TANC1: variants seen among roughly 807,000 people sequenced by gnomAD.
TANC1 encodes the protein tetratricopeptide repeat, ankyrin repeat and coiled-coil containing 1, also known as protein TANC1.
In TANC1, 77 loss-of-function variants were observed where a neutral mutation model predicts 149.7. The ratio of observed to expected loss-of-function variants is 0.51; its 90% CI spans 0.43 to 0.62. The LOEUF (loss-of-function observed/expected upper bound fraction) is 0.62, where lower values mean the gene tolerates loss of function less well. Among genes scored for constraint, TANC1 ranks in the 20% least tolerant of loss-of-function variants. The probability of loss-of-function intolerance (pLI) is 0.00; values close to 1 mark genes in which losing one functional copy is unlikely to be tolerated. For missense variants in TANC1, 1,985 were observed against 2,321.8 expected (o/e 0.85, Z 2.98); for synonymous variants, 854 against 925.0 (o/e 0.92, Z 1.39).
At chr2:159,122,196 C>A (rs745382462) in intron 4 of TANC1, among the ~76,000 whole-genome samples, 1 of 152,182 alleles carries the variant, frequency 6.6e-6, no homozygotes, top group Non-Finnish European at 1.5e-5. Context: ...CCTTGGTCTT[C>A]CAAAATGCTG....
chr2:159,186,799 C>T (rs757561487), intron 15 of TANC1, 103 bp from the exon 16 acceptor site: 8 of 1,487,272 alleles, frequency 5.4e-6, no homozygotes, highest in Non-Finnish European at 7.4e-6. Context: ...TATCTGCACC[C>T]TCTGCGGCAG....
At chr2:159,003,975 A>C (rs2036885533) in intron 2 of TANC1, 1 of 1,612,446 alleles carries the variant, frequency 6.2e-7, no homozygotes, top group African/African-American at 1.3e-5. Flanking sequence ...AGTTCTCTAA[A>C]AAAAACTGGC....
intron 14 of TANC1, among the ~76,000 whole-genome samples, chr2:159,180,385 A>G (rs570658960): frequency 1.3e-5 from 2 of 152,364 alleles, no homozygotes; most frequent in South Asian, 4.1e-4. Flanking sequence ...AAACAAATTG[A>G]AAGACTCCAT....
intron 5 of TANC1, among the ~76,000 whole-genome samples, chr2:159,144,394 G>A (rs1243938540): frequency 6.6e-6 from 1 of 152,150 alleles, no homozygotes; most frequent in African/African-American, 2.4e-5. Flanking sequence ...TTATTTTTCT[G>A]AGACGGAGTC....
At chr2:159,195,500 T>C (rs532516009) in intron 17 of TANC1, among the ~76,000 whole-genome samples, 1 of 152,228 alleles carries the variant, frequency 6.6e-6, no homozygotes, top group African/African-American at 2.4e-5. Flanking sequence ...AGCATTTTTT[T>C]GGGAAATGTG....
intron 5 of TANC1, among the ~76,000 whole-genome samples, chr2:159,139,076 A>G (rs914200773): frequency 1.1e-4 from 16 of 152,198 alleles, no homozygotes; most frequent in African/African-American, 3.9e-4. Context: ...CTTGTTTCTT[A>G]AAGCTTGCAA....
At chr2:159,060,755 C>T (rs1321075730) in intron 2 of TANC1, among the ~76,000 whole-genome samples, 1 of 152,164 alleles carries the variant, frequency 6.6e-6, no homozygotes, top group Non-Finnish European at 1.5e-5. Flanking sequence ...CAGTATGGCA[C>T]TCCAGAAGAG....
chr2:159,066,220 G>A (rs2042649010), intron 3 of TANC1, among the ~76,000 whole-genome samples: 2 of 152,138 alleles, frequency 1.3e-5, no homozygotes, highest in Non-Finnish European at 2.9e-5. Flanking sequence ...ACCAGCCTGG[G>A]CAACATAAAG....
chr2:159,107,793 CT>C (rs796097605), intron 4 of TANC1, among the ~76,000 whole-genome samples: 48 of 152,310 alleles, frequency 3.2e-4, no homozygotes, highest in African/African-American at 1.1e-3. Context: ...CTCTCCTTTT[CT>C]CTAGGTGAGA....
At chr2:159,196,157 A>T (rs1474897634) in intron 17 of TANC1, among the ~76,000 whole-genome samples, 1 of 152,076 alleles carries the variant, frequency 6.6e-6, no homozygotes, top group Admixed American at 6.6e-5. Context: ...GTTTTTCCAC[A>T]TCCCTCTCTT....
At chr2:159,038,737 G>A (rs1043202873) in intron 2 of TANC1, among the ~76,000 whole-genome samples, 20 of 152,098 alleles carry the variant, frequency 1.3e-4, no homozygotes, top group African/African-American at 3.9e-4. Flanking sequence ...TTGATGTGCT[G>A]CTGGATTCAG....
chr2:159,117,701 CTTTTTTTTTTTTTTTT>C (rs59509568), intron 4 of TANC1, among the ~76,000 whole-genome samples: 1 of 113,282 alleles, frequency 8.8e-6, no homozygotes, highest in African/African-American at 3.7e-5. Context: ...CGGCCTATTC[CTTTTTTTTTTTTTTTT>C]TTTTTTTTTT....
intron 3 of TANC1, among the ~76,000 whole-genome samples, chr2:159,069,765 C>CTTTTT (rs67843631): frequency 9.1e-6 from 1 of 109,362 alleles, no homozygotes; most frequent in Non-Finnish European, 1.8e-5. Flanking sequence ...TATGTGCAAG[C>CTTTTT]TTTTTTTTTT....
intron 4 of TANC1, among the ~76,000 whole-genome samples, chr2:159,127,881 G>A (rs1440778619): frequency 6.6e-6 from 1 of 152,222 alleles, no homozygotes; most frequent in East Asian, 1.9e-4. Flanking sequence ...TTGGAAAAAA[G>A]GAGCATGGCT....
chr2:159,022,754 A>C (rs1339276613), intron 2 of TANC1, among the ~76,000 whole-genome samples: 2 of 152,110 alleles, frequency 1.3e-5, no homozygotes, highest in African/African-American at 4.8e-5. Context: ...ATAACATAAA[A>C]AATAGAAGTG....
At chr2:159,048,034 G>C (rs1448309989) in intron 2 of TANC1, among the ~76,000 whole-genome samples, 1 of 152,070 alleles carries the variant, frequency 6.6e-6, no homozygotes, top group African/African-American at 2.4e-5. Flanking sequence ...GGGATGTCAT[G>C]CTCTGTTACA....
At chr2:159,184,644 G>A (rs2056807146) in intron 14 of TANC1, among the ~76,000 whole-genome samples, 1 of 152,154 alleles carries the variant, frequency 6.6e-6, no homozygotes, top group Admixed American at 6.5e-5. Context: ...GACCTGGGGA[G>A]GCCTTGGGGG....
intron 7 of TANC1, among the ~76,000 whole-genome samples, chr2:159,158,742 A>T (rs1480229173): frequency 2.0e-5 from 3 of 152,212 alleles, no homozygotes; most frequent in Non-Finnish European, 2.9e-5. Context: ...TTTACTCCTA[A>T]GTTTCCTGAT....
At chr2:159,224,534 C>T in intron 23 of TANC1, 170 bp downstream of exon 23, 1 of 740,356 alleles carries the variant, frequency 1.4e-6, no homozygotes, top group Non-Finnish European at 2.2e-6. Flanking sequence ...GTGTAAGTAG[C>T]TCACGGTGTT....
Sources: allele counts gnomAD v4.1 joint callset (sites outside exome capture counted in the v4.1 genomes callset), GRCh38; gene constraint gnomAD v4.1.1; transcripts MANE v1.5; gene names NCBI Gene and HGNC (gene_info 2026-07-23, HGNC 2026-07-21).